Variants in PCDHA11 observed in about 807,000 individuals in gnomAD.
PCDHA11 encodes protocadherin alpha-11.
A neutral mutation model predicts 70.3 loss-of-function variants in PCDHA11; 61 were observed. That is an observed-to-expected ratio of 0.87 (90% CI 0.71 to 1.07). The LOEUF (loss-of-function observed/expected upper bound fraction) is 1.07. Among genes scored for constraint, PCDHA11 ranks in the 50% least tolerant of loss-of-function variants. The probability of loss-of-function intolerance (pLI) is 0.00; values close to 1 mark genes in which losing one functional copy is unlikely to be tolerated. For missense variants in PCDHA11, 1,324 were observed against 1,237.5 expected (o/e 1.07, Z -1.05); for synonymous variants, 633 against 555.1 (o/e 1.14, Z -1.97).
At chr5:140,876,684 C>T (rs973560970) in intron 1 of PCDHA11, 29 of 1,614,110 alleles carry the variant, frequency 1.8e-5, no homozygotes, top group Admixed American at 3.3e-5. Flanking sequence ...ACAAGAATTA[C>T]TACTCGTTGG....
chr5:140,873,821 T>C (rs562633), intron 1 of PCDHA11, among the ~76,000 whole-genome samples: 2,262 of 152,230 alleles, frequency 0.015, 53 homozygotes, highest in African/African-American at 0.052. Context: ...CCACCACTCC[T>C]GGCTAATTTT....
At chr5:140,985,670 G>A (rs1554247237) in intron 3 of PCDHA11, among the ~76,000 whole-genome samples, 1 of 152,024 alleles carries the variant, frequency 6.6e-6, no homozygotes, top group East Asian at 1.9e-4. Flanking sequence ...AAAGGAAGTG[G>A]GGCCTGCCTT....
At chr5:140,880,796 T>C (rs538689350) in intron 1 of PCDHA11, among the ~76,000 whole-genome samples, 4 of 152,180 alleles carry the variant, frequency 2.6e-5, no homozygotes, top group Non-Finnish European at 5.9e-5. Context: ...GTAATATAAA[T>C]AGGTGAATGA....
chr5:140,882,152 GA>G, intron 1 of PCDHA11: 1 of 1,505,314 alleles, frequency 6.6e-7, no homozygotes, highest in East Asian at 2.3e-5. Flanking sequence ...GCAGAAAGCG[GA>G]ATACCTCTTG....
At chr5:140,912,443 G>T (rs1351780500) in intron 1 of PCDHA11, among the ~76,000 whole-genome samples, 3 of 151,748 alleles carry the variant, frequency 2.0e-5, no homozygotes, top group African/African-American at 7.3e-5. Flanking sequence ...TGATTTGTGT[G>T]CATTGATTTT....
intron 1 of PCDHA11, chr5:140,876,494 T>C: frequency 1.2e-6 from 2 of 1,614,062 alleles, no homozygotes; most frequent in African/African-American, 1.3e-5. Flanking sequence ...GTGGAAGTTC[T>C]GGACGTGAAT....
At chr5:140,965,291 C>T (rs1227369041) in intron 1 of PCDHA11, among the ~76,000 whole-genome samples, 1 of 152,154 alleles carries the variant, frequency 6.6e-6, no homozygotes, top group Non-Finnish European at 1.5e-5. Context: ...GGAAAGATTT[C>T]CTCTGATCCT....
chr5:140,900,354 C>T (rs376691648), intron 1 of PCDHA11, among the ~76,000 whole-genome samples: 68 of 151,986 alleles, frequency 4.5e-4, no homozygotes, highest in African/African-American at 1.2e-3. Context: ...CTTGGCTCAC[C>T]GCAACCTCTG....
At chr5:140,897,682 A>G (rs1397590916) in intron 1 of PCDHA11, among the ~76,000 whole-genome samples, 3 of 152,186 alleles carry the variant, frequency 2.0e-5, no homozygotes, top group Non-Finnish European at 4.4e-5. Flanking sequence ...AGCATGATTT[A>G]TAGTCCTTTG....
At chr5:140,907,021 C>A (rs950958374) in intron 1 of PCDHA11, among the ~76,000 whole-genome samples, 1 of 152,168 alleles carries the variant, frequency 6.6e-6, no homozygotes, top group Non-Finnish European at 1.5e-5. Flanking sequence ...TCTAGGCCAG[C>A]AGAACATAAT....
chr5:140,876,791 G>C lies in PCDHA11; in HGVS notation c.2391+5297G>C, dbSNP rs782617794. 4.3e-6 allele frequency: 7 copies of C among 1,614,242 alleles called. No homozygotes were observed. The Admixed American group carries it at 1.2e-4, about 27-fold the overall frequency. On this transcript the variant is annotated intron_variant, in intron 1 of 3. Coordinates refer to ENST00000398640, the MANE Select transcript of PCDHA11 (RefSeq NM_018902.5). ...TCGCCTTCGCTGTGGGCCACGGCTA[G>C]AGTGTCCGTGGAGGTGGCCGACGTG...
intron 1 of PCDHA11, chr5:140,871,714 T>G (rs938500670): frequency 2.5e-6 from 2 of 805,644 alleles, no homozygotes; most frequent in African/African-American, 3.5e-5. Context: ...AATGTCCTAT[T>G]TCTCTTAATA....
intron 1 of PCDHA11, chr5:140,968,689 A>T: frequency 2.5e-6 from 4 of 1,614,124 alleles, no homozygotes; most frequent in Non-Finnish European, 3.4e-6. Context: ...ACACAGGAGA[A>T]ATTAGGACTA....
intron 1 of PCDHA11, chr5:140,926,741 A>G (rs572260372): frequency 1.7e-6 from 2 of 1,192,504 alleles, no homozygotes; most frequent in South Asian, 2.4e-5. Flanking sequence ...GGGAGGCGCA[A>G]CGTCGGCGGT....
chr5:140,977,442 T>C (rs746141638), intron 1 of PCDHA11, among the ~76,000 whole-genome samples: 1 of 152,186 alleles, frequency 6.6e-6, no homozygotes. Flanking sequence ...TAGTAGATAA[T>C]GGAAACTCCT....
intron 1 of PCDHA11, among the ~76,000 whole-genome samples, chr5:140,922,731 T>A (rs59295733): frequency 0.057 from 8,631 of 152,032 alleles, 722 homozygotes; most frequent in African/African-American, 0.19. Flanking sequence ...CTTGACAAGG[T>A]TGAGAAAAAT....
intron 3 of PCDHA11, among the ~76,000 whole-genome samples, chr5:140,984,412 A>G (rs1189115390): frequency 5.9e-5 from 9 of 152,184 alleles, no homozygotes; most frequent in African/African-American, 2.2e-4. Flanking sequence ...TATCTTTTTT[A>G]CAGAGATAGA....
At chr5:140,937,446 G>A (rs1330877546) in intron 1 of PCDHA11, among the ~76,000 whole-genome samples, 1 of 152,088 alleles carries the variant, frequency 6.6e-6, no homozygotes, top group Non-Finnish European at 1.5e-5. Context: ...TATTTTAAAA[G>A]TTTAATTTTA....
At chr5:140,988,169 A>G (rs1384072642) in intron 3 of PCDHA11, among the ~76,000 whole-genome samples, 3 of 152,128 alleles carry the variant, frequency 2.0e-5, no homozygotes. Flanking sequence ...TGTCATAGCA[A>G]TGACAGTCCT....
Sources: gnomAD v4.1 joint callset for allele counts (sites outside exome capture counted in the v4.1 genomes callset) on GRCh38, gnomAD v4.1.1 for gene constraint, MANE v1.5 for transcripts, NCBI Gene and HGNC (gene_info 2026-07-23, HGNC 2026-07-21) for gene names.